Variants in NLRP14 observed in about 807,000 individuals in gnomAD.
NLRP14 encodes NACHT, LRR and PYD domains-containing protein 14.
Under a neutral mutation model 94.7 loss-of-function variants are expected in NLRP14, and 105 were observed. The ratio of observed to expected loss-of-function variants is 1.11; its 90% CI spans 0.95 to 1.30. NLRP14 has a LOEUF of 1.30. Ranked by LOEUF, NLRP14 falls within the 50% of genes most tolerant of loss-of-function variation. The probability of loss-of-function intolerance (pLI) is 0.00; values close to 1 mark genes in which losing one functional copy is unlikely to be tolerated. For synonymous variants in NLRP14, 508 were observed against 459.9 expected (o/e 1.10, Z -1.34); for missense variants, 1,362 against 1,254.1 (o/e 1.09, Z -1.30).
At chr11:7,055,265 T>C (rs1340489126) in intron 6 of NLRP14, among the ~76,000 whole-genome samples, 2 of 152,128 alleles carry the variant, frequency 1.3e-5, no homozygotes, top group Non-Finnish European at 2.9e-5. Flanking sequence ...AAATGCTCCT[T>C]CTCTTGGCAA....
chr11:7,049,592 T>A (rs1044977132), intron 5 of NLRP14, 79 bp from the exon 6 acceptor site: 1 of 988,454 alleles, frequency 1.0e-6, no homozygotes, highest in African/African-American at 1.6e-5. Flanking sequence ...TATCCAAGAA[T>A]TAGATTGAAA....
intron 10 of NLRP14, among the ~76,000 whole-genome samples, chr11:7,066,478 CAT>C (rs1444695366): frequency 4.6e-5 from 7 of 152,116 alleles, no homozygotes; most frequent in African/African-American, 1.7e-4. Flanking sequence ...AGCTTTTTTT[CAT>C]ATGTTTGTTG....
intron 10 of NLRP14, among the ~76,000 whole-genome samples, chr11:7,066,494 A>T (rs1340240360): frequency 6.6e-6 from 1 of 152,126 alleles, no homozygotes; most frequent in Admixed American, 6.6e-5. Flanking sequence ...TTTGTTGGCC[A>T]CATAAATGTC....
chr11:7,035,525 T>C (rs1343635952), intron 1 of NLRP14, among the ~76,000 whole-genome samples: 1 of 152,202 alleles, frequency 6.6e-6, no homozygotes, highest in Non-Finnish European at 1.5e-5. Flanking sequence ...ATAACGCACG[T>C]ATAGTATCCC....
At chr11:7,021,060 G>T (rs1441387264) in intron 1 of NLRP14, among the ~76,000 whole-genome samples, 1 of 152,198 alleles carries the variant, frequency 6.6e-6, no homozygotes, top group African/African-American at 2.4e-5. Flanking sequence ...ACTTGGGCTG[G>T]ATCAGTAATA....
chr11:7,070,175 A>C lies in NLRP14; in HGVS notation c.2976-111A>C, dbSNP rs80332896. 29,910 of 776,726 alleles carry C rather than the reference A, an allele frequency of 0.039. 795 individuals carry two copies. The highest frequency in any genetic ancestry group is 0.11 in the African/African-American group (6,509 of 58,586). The allele number at this position is 776,726 out of a possible 1,614,324, so 48.1% of individuals were successfully genotyped here. On this transcript the variant is annotated intron_variant, in intron 10 of 11. Coordinates refer to ENST00000299481, the MANE Select transcript of NLRP14 (RefSeq NM_176822.4). ...CCTTGAATTTATACTAACTGTGCTCATTTTTTAAAGTTTCTGGAATTATCC... is the reference window on the plus strand; with the variant it reads ...CCTTGAATTTATACTAACTGTGCTCCTTTTTTAAAGTTTCTGGAATTATCC...
Position 7,043,432 on chromosome 11 carries a change from A to G in NLRP14, c.1406A>G (p.Asp469Gly). The G allele has an allele frequency of 6.2e-7, 1 of 1,614,164 alleles. No homozygotes were observed. Among genetic ancestry groups the G allele is most frequent in the Non-Finnish European group, 8.5e-7 (1 of 1,180,024 alleles). The change falls in exon 4 of 12, where the codon GAC becomes GGC. Residue 469 changes from aspartate to glycine, a missense_variant. Transcript: ENST00000299481. ...ATGGACAGCAATATTATTCAGAAGG[A>G]CGCAGAGTATGAAAACTGCTATGTG... is the stretch of plus-strand genomic sequence containing the variant. The part of the protein sequence containing the change: ...SFMDSNIIQK[D>G]AEYENCYVFT...
chr11:7,054,764 C>T (rs1336533371), intron 6 of NLRP14, among the ~76,000 whole-genome samples: 1 of 151,936 alleles, frequency 6.6e-6, no homozygotes, highest in East Asian at 1.9e-4. Flanking sequence ...GTCTGTTCAC[C>T]TTATTGGTTG....
At chr11:7,065,212 ATC>A (rs1489169873) in intron 10 of NLRP14, among the ~76,000 whole-genome samples, 1 of 152,090 alleles carries the variant, frequency 6.6e-6, no homozygotes, top group Non-Finnish European at 1.5e-5. Flanking sequence ...AAAAAGACAT[ATC>A]TCATTTATTT....
At position 7,020,718 on chromosome 11, in the gene NLRP14, G is replaced by A. The variant is rs1851910784; in HGVS notation, c.-74G>A. 6.6e-6 allele frequency: 1 copy of A among 152,340 alleles called. No homozygotes were observed. The highest frequency in any genetic ancestry group is 1.5e-5 in the Non-Finnish European group (1 of 68,118). 9.4% of individuals were successfully genotyped at this position (152,340 alleles called of 1,614,324 possible). A position where few individuals can be genotyped will look rare whatever the true frequency, so the allele number is the denominator to read the frequency against. On this transcript the variant is annotated 5_prime_UTR_variant, in exon 1 of 12. Coordinates refer to ENST00000299481, the MANE Select transcript of NLRP14 (RefSeq NM_176822.4). ...TGTCCTCGCTGTCCCGCGCCTTGGC[G>A]GAATGGGCACCTCACTAGCCCTGGC...
chr11:7,071,700 G>A (rs1852802748), downstream of NLRP14, among the ~76,000 whole-genome samples: 1 of 150,592 alleles, frequency 6.6e-6, no homozygotes, highest in African/African-American at 2.4e-5. Context: ...TTATTAAAAT[G>A]TGTCTCCATA....
chr11:7,089,757 G>C, the NLRP14 span: 44 of 1,569,052 alleles, frequency 2.8e-5, no homozygotes, highest in Non-Finnish European at 2.1e-5. Flanking sequence ...GCGGGATGAG[G>C]GCTACTCGTC....
the NLRP14 span, among the ~76,000 whole-genome samples, chr11:7,076,933 G>A: frequency 6.6e-6 from 1 of 152,134 alleles, no homozygotes; most frequent in African/African-American, 2.4e-5. Flanking sequence ...CTCTTCCAGG[G>A]AACACTTGTA....
Position 7,057,804 on chromosome 11 carries a change from T to C in NLRP14, c.2419T>C (p.Cys807Arg), listed in dbSNP as rs1467721465. ...GTTGGATGATGGAGTGCAGCTTTTG[T>C]GTGAGGCCTTAAGACATCCAAAGTG... ...NLLDDGVQLL[C>R]EALRHPKCYL... is the part of the protein sequence containing the mutation. The change falls in exon 7 of 12, where the codon TGT becomes CGT. Residue 807 changes from cysteine (C) to arginine (R), a missense_variant. Coordinates refer to ENST00000299481, the MANE Select transcript of NLRP14 (RefSeq NM_176822.4). The C allele has an allele frequency of 6.2e-7, 1 of 1,612,734 alleles. No homozygotes were observed. Among genetic ancestry groups the C allele is most frequent in the South Asian group, 1.1e-5 (1 of 91,066 alleles).
At chr11:7,074,920 A>G (rs1330651192), downstream of NLRP14, among the ~76,000 whole-genome samples, 1 of 152,222 alleles carries the variant, frequency 6.6e-6, no homozygotes, top group East Asian at 1.9e-4. Context: ...ACATTTGAAG[A>G]AAAAAGGAAT....
chr11:7,043,877 ATCT>A lies in NLRP14; in HGVS notation c.1856_1858del (p.Ser619del), dbSNP rs774847789. On this transcript the variant is annotated inframe_deletion, in exon 4 of 12. Transcript: ENST00000299481. ...TTTGTGAGAAAATACATTTGCTTGT[ATCT>A]TCTTTCTGCCTTAAGCACTGCCGGT... The A allele has an allele frequency of 6.2e-7, 1 of 1,614,188 alleles. No individual in the cohort carries two copies. Among genetic ancestry groups the A allele is most frequent in the African/African-American group, 1.3e-5 (1 of 75,062 alleles).
At chr11:7,038,912 G>T (rs1369397568) in intron 2 of NLRP14, 37 bp downstream of exon 2, 3 of 1,603,060 alleles carry the variant, frequency 1.9e-6, no homozygotes, top group Non-Finnish European at 2.6e-6. Context: ...GGCTAGGCAG[G>T]AAGGAAGTGT....
intron 9 of NLRP14, among the ~76,000 whole-genome samples, chr11:7,060,341 G>A (rs947063108): frequency 5.3e-5 from 8 of 151,974 alleles, no homozygotes; most frequent in Non-Finnish European, 1.2e-4. Context: ...GTGCCCCAGT[G>A]AATCTACTGT....
At chr11:7,054,040 AAGTG>A (rs916842507) in intron 6 of NLRP14, among the ~76,000 whole-genome samples, 3 of 152,162 alleles carry the variant, frequency 2.0e-5, no homozygotes, top group Non-Finnish European at 4.4e-5. Context: ...TCCCACAAAT[AAGTG>A]AGAACATGGA....
Sources: gnomAD v4.1 joint callset for allele counts (sites outside exome capture counted in the v4.1 genomes callset) on GRCh38, gnomAD v4.1.1 for gene constraint, MANE v1.5 for transcripts, NCBI Gene and HGNC (gene_info 2026-07-23, HGNC 2026-07-21) for gene names.